Variants in CCDC152 observed in about 807,000 individuals in gnomAD.
CCDC152 encodes the protein coiled-coil domain containing 152, also known as coiled-coil domain-containing protein 152.
In CCDC152, 37 loss-of-function variants were observed where a neutral mutation model predicts 38.1. The observed-to-expected ratio is 0.97, with a 90% CI of 0.75 to 1.28. CCDC152 has a LOEUF of 1.28. Among genes scored for constraint, CCDC152 ranks in the 50% most tolerant of loss-of-function variants. The pLI is 0.00. For missense variants in CCDC152, 259 were observed against 292.1 expected, an observed-to-expected ratio of 0.89 and a Z score of 0.83; for synonymous variants, 83 against 87.1, an observed-to-expected ratio of 0.95 and a Z score of 0.26.
In CCDC152 at chr5:42,800,341, G is replaced by T; in HGVS notation, c.*560G>T. 6.1e-6 allele frequency: 1 copy of T among 164,364 alleles called. No homozygotes were observed. Among genetic ancestry groups the T allele is most frequent in the East Asian group, 1.8e-4 (1 of 5,672 alleles). The allele number at this position is 164,364 out of a possible 1,614,324, so 10.2% of individuals were successfully genotyped here. On this transcript the variant is annotated 3_prime_UTR_variant, in exon 9 of 9. Coordinates refer to ENST00000361970, the MANE Select transcript of CCDC152 (RefSeq NM_001134848.2). The stretch of plus-strand genomic sequence containing the variant: ...AAGACAAAGTAATATTGTTTTGAGA[G>T]ATAAGTAAAGAAAAAAATGGAAAGC...
intron 5 of CCDC152, among the ~76,000 whole-genome samples, chr5:42,780,814 A>G (rs1759834779): frequency 6.6e-6 from 1 of 152,210 alleles, no homozygotes; most frequent in African/African-American, 2.4e-5. Flanking sequence ...ACTTGTATAG[A>G]GAGAATCATT....
At chr5:42,760,304 A>C (rs1759534646) in intron 2 of CCDC152, among the ~76,000 whole-genome samples, 1 of 12,620 alleles carries the variant, frequency 7.9e-5, no homozygotes, top group East Asian at 4.2e-3. Flanking sequence ...ACTCCGTCTC[A>C]AAAAAAAAAA....
chr5:42,783,027 G>A (rs920685817), intron 5 of CCDC152, among the ~76,000 whole-genome samples: 2 of 151,636 alleles, frequency 1.3e-5, no homozygotes, highest in Admixed American at 6.6e-5. Context: ...CCACCACCAC[G>A]CCCAGCTAAT....
intron 6 of CCDC152, among the ~76,000 whole-genome samples, chr5:42,789,925 C>T (rs1049647793): frequency 2.6e-5 from 4 of 152,162 alleles, no homozygotes; most frequent in African/African-American, 9.7e-5. Flanking sequence ...TTAGGCACAA[C>T]TTCTTGGAAA....
At chr5:42,788,911 A>AG (rs1759961525) in intron 6 of CCDC152, among the ~76,000 whole-genome samples, 1 of 152,068 alleles carries the variant, frequency 6.6e-6, no homozygotes, top group South Asian at 2.1e-4. Flanking sequence ...GTATATTTGC[A>AG]GGGGATTTGG....
Position 42,759,153 on chromosome 5 carries a change from A to G in CCDC152, c.32A>G (p.Lys11Arg). 1.3e-6 allele frequency: 2 copies of G among 1,551,096 alleles called. No individual in the cohort carries two copies. The highest frequency in any genetic ancestry group is 2.0e-5 in the Admixed American group (1 of 50,964). Reference sequence around the variant, plus strand: ...CAAAGCAGTGAAGGATGTATGAAAAAGATTAGCAGTGTGAATCTTGACAAA... The same window carrying G: ...CAAAGCAGTGAAGGATGTATGAAAAGGATTAGCAGTGTGAATCTTGACAAA... The part of the protein sequence containing the change: MDQSSEGCMK[K>R]ISSVNLDKLI... The change falls in exon 2 of 9, where the codon AAG (lysine) becomes AGG (arginine). Residue 11 changes from lysine to arginine, a missense_variant. Lys to Arg is a conservative substitution (Grantham distance 26). Coordinates refer to ENST00000361970, the MANE Select transcript of CCDC152 (RefSeq NM_001134848.2).
chr5:42,769,185 G>T (rs1212395589), intron 3 of CCDC152, among the ~76,000 whole-genome samples: 1 of 151,826 alleles, frequency 6.6e-6, no homozygotes, highest in Middle Eastern at 3.4e-3. Flanking sequence ...GGAGGCGGAG[G>T]TTGCGTGAGC....
intron 7 of CCDC152, among the ~76,000 whole-genome samples, chr5:42,798,283 C>T (rs189242266): frequency 8.5e-5 from 13 of 152,192 alleles, no homozygotes; most frequent in African/African-American, 2.6e-4. Context: ...TCCGTTGCTT[C>T]CCCCCACCCC....
At position 42,762,520 on chromosome 5, in the gene CCDC152, G is replaced by A; in HGVS notation, c.165G>A (p.Met55Ile). The change falls in exon 3 of 9, where the codon ATG becomes ATA. Residue 55 changes from methionine (M) to isoleucine (I), a missense_variant. By Grantham distance (10) the Met-to-Ile change is conservative. Coordinates refer to ENST00000361970, the MANE Select transcript of CCDC152 (RefSeq NM_001134848.2). ...AAAGTAATTGCCTATTAAAAGTAAT[G>A]CAAGCAAAGGAGGTCTCCATTAAAG... is the stretch of plus-strand genomic sequence containing the variant. ...LEKSNCLLKV[M>I]QAKEVSIKEE... 6.5e-7 allele frequency: 1 copy of A among 1,534,070 alleles called. No individual in the cohort carries two copies. Among genetic ancestry groups the A allele is most frequent in the Non-Finnish European group, 8.8e-7 (1 of 1,131,202 alleles).
At chr5:42,787,963 G>A (rs1313827387) in intron 6 of CCDC152, among the ~76,000 whole-genome samples, 1 of 152,046 alleles carries the variant, frequency 6.6e-6, no homozygotes. Context: ...ATATTTATAT[G>A]TGGCATTTTG....
intron 6 of CCDC152, among the ~76,000 whole-genome samples, chr5:42,787,967 C>T (rs1434648688): frequency 6.6e-6 from 1 of 152,030 alleles, no homozygotes; most frequent in Non-Finnish European, 1.5e-5. Context: ...TTATATGTGG[C>T]ATTTTGTTCC....
intron 6 of CCDC152, among the ~76,000 whole-genome samples, chr5:42,783,792 T>C (rs1759880627): frequency 6.6e-6 from 1 of 151,314 alleles, no homozygotes; most frequent in Non-Finnish European, 1.5e-5. Context: ...TCTATCTTTA[T>C]GTCAATGACT....
Position 42,800,889 on chromosome 5 carries a change from G to A in CCDC152, c.*1108G>A, listed in dbSNP as rs769140982. 6.2e-7 allele frequency: 1 copy of A among 1,614,198 alleles called. No homozygotes were observed. The highest frequency in any genetic ancestry group is 8.5e-7 in the Non-Finnish European group (1 of 1,180,026). On this transcript the variant is annotated 3_prime_UTR_variant, in exon 9 of 9. Transcript: ENST00000361970. Reference sequence around the variant, plus strand: ...CCGAAGTCCCTGTCAGCTACATAAAGATGGGAGGTTTTCTTTACACTGTCA... The same window carrying A: ...CCGAAGTCCCTGTCAGCTACATAAAAATGGGAGGTTTTCTTTACACTGTCA...
chr5:42,779,437 T>C (rs1759812705), intron 4 of CCDC152, 21 bp from the exon 5 acceptor site: 14 of 1,326,542 alleles, frequency 1.1e-5, no homozygotes, highest in African/African-American at 1.5e-5. Context: ...ATTATGATGT[T>C]CTTTGATTAT....
chr5:42,770,434 C>T (rs1024266066), intron 4 of CCDC152, among the ~76,000 whole-genome samples: 8 of 152,004 alleles, frequency 5.3e-5, no homozygotes, highest in Non-Finnish European at 1.0e-4. Flanking sequence ...ACAACTTTTC[C>T]CTTCCTTGTG....
chr5:42,786,854 T>C (rs774252920), intron 6 of CCDC152, among the ~76,000 whole-genome samples: 15 of 152,040 alleles, frequency 9.9e-5, no homozygotes, highest in Non-Finnish European at 2.2e-4. Context: ...CTGCATTTTC[T>C]TTTGTTTCAA....
chr5:42,761,884 C>G (rs1759558324), intron 2 of CCDC152, among the ~76,000 whole-genome samples: 1 of 152,056 alleles, frequency 6.6e-6, no homozygotes, highest in African/African-American at 2.4e-5. Flanking sequence ...TAATATTTTA[C>G]CATGTTACTT....
chr5:42,765,116 T>C (rs1457830813), intron 3 of CCDC152, among the ~76,000 whole-genome samples: 1 of 152,222 alleles, frequency 6.6e-6, no homozygotes, highest in Non-Finnish European at 1.5e-5. Flanking sequence ...AACATTTTTA[T>C]ATGCCAACAG....
Position 42,801,273 on chromosome 5 carries a change from A to G in CCDC152, c.*1492A>G. The G allele has an allele frequency of 6.2e-7, 1 of 1,614,078 alleles. No homozygotes were observed. The highest frequency in any genetic ancestry group is 8.5e-7 in the Non-Finnish European group (1 of 1,180,002). On this transcript the variant is annotated 3_prime_UTR_variant, in exon 9 of 9. Coordinates refer to ENST00000361970, the MANE Select transcript of CCDC152 (RefSeq NM_001134848.2). Reference sequence around the variant, plus strand: ...ATGGTAATGAGGCGATGGAGTTTCAACTGTTTTATCCACAGTAGCCAAAGA... The same window carrying G: ...ATGGTAATGAGGCGATGGAGTTTCAGCTGTTTTATCCACAGTAGCCAAAGA...
Sources: gnomAD v4.1 joint callset for allele counts (sites outside exome capture counted in the v4.1 genomes callset) on GRCh38, gnomAD v4.1.1 for gene constraint, MANE v1.5 for transcripts, NCBI Gene and HGNC (gene_info 2026-07-23, HGNC 2026-07-21) for gene names.